The following SFMBT1 variants were observed in gnomAD, a reference collection of about 807,000 sequenced individuals.
SFMBT1 encodes scm-like with four MBT domains protein 1.
A neutral mutation model predicts 108.7 loss-of-function variants in SFMBT1; 32 were observed. The observed-to-expected ratio is 0.29, with a 90% CI of 0.22 to 0.40. The LOEUF (loss-of-function observed/expected upper bound fraction) is 0.40. SFMBT1 is among the 10% of genes least tolerant of loss of function. The pLI, the probability that SFMBT1 is intolerant of heterozygous loss-of-function variation, is 1.00. For synonymous variants in SFMBT1, 348 were observed against 369.5 expected (o/e 0.94, Z 0.67); for missense variants, 816 against 1,059.6 (o/e 0.77, Z 3.19).
chr3:53,008,950 C>T (rs1385160369), intron 1 of SFMBT1, among the ~76,000 whole-genome samples: 1 of 150,566 alleles, frequency 6.6e-6, no homozygotes, highest in African/African-American at 2.4e-5. Context: ...ATTTTGTTTA[C>T]CCTTCTGGGT....
intron 4 of SFMBT1, among the ~76,000 whole-genome samples, chr3:52,937,244 TAAGA>T (rs1381102761): frequency 1.3e-5 from 2 of 152,154 alleles, no homozygotes; most frequent in Non-Finnish European, 2.9e-5. Flanking sequence ...AAAAATAGGT[TAAGA>T]TTTTTTCTTT....
chr3:52,969,121 C>G lies in SFMBT1; in HGVS notation c.8G>C (p.Gly3Ala). 1 of 1,614,030 alleles carries G rather than the reference C, an allele frequency of 6.2e-7. No individual in the cohort carries two copies. Among genetic ancestry groups the G allele is most frequent in the South Asian group, 1.1e-5 (1 of 91,066 alleles). Residue 3 changes from glycine to alanine, a missense_variant, in exon 2 of 21, where the codon GGG becomes GCG. This residue lies in a region of SFMBT1 where 495 missense variants were observed against 607.4 expected (regional missense o/e 0.81). Coordinates refer to ENST00000394752, the MANE Select transcript of SFMBT1 (RefSeq NM_016329.4). The stretch of plus-strand genomic sequence containing the variant: ...AATACCTGCATCAAGCTGCTGCTCC[C>G]CGTTCATTTCCACAGCATATAGGCA... MN[G>A]EQQLDADAGS... is the part of the protein sequence containing the mutation.
intron 1 of SFMBT1, among the ~76,000 whole-genome samples, chr3:52,993,216 C>A (rs1705199858): frequency 7.5e-6 from 1 of 133,926 alleles, no homozygotes; most frequent in Non-Finnish European, 1.8e-5. Flanking sequence ...CTATAAAAAA[C>A]ATGTAGTTTT....
chr3:53,029,218 C>A (rs543870568), intron 1 of SFMBT1, among the ~76,000 whole-genome samples: 1 of 149,898 alleles, frequency 6.7e-6, no homozygotes, highest in East Asian at 1.9e-4. Flanking sequence ...AATGTACTAC[C>A]ATGGGGGAGA....
At chr3:52,966,780 T>C (rs777294907) in intron 2 of SFMBT1, among the ~76,000 whole-genome samples, 22 of 151,716 alleles carry the variant, frequency 1.5e-4, no homozygotes, top group Non-Finnish European at 2.9e-4. Context: ...TCTCAAGTGT[T>C]CTAAATTATA....
chr3:53,025,727 T>C (rs145757435), intron 1 of SFMBT1, among the ~76,000 whole-genome samples: 2 of 152,352 alleles, frequency 1.3e-5, no homozygotes, highest in Non-Finnish European at 2.9e-5. Context: ...ATCTTTGCCT[T>C]GGTAACTCTA....
chr3:53,011,735 T>C (rs1412884250), intron 1 of SFMBT1, among the ~76,000 whole-genome samples: 1 of 152,198 alleles, frequency 6.6e-6, no homozygotes, highest in East Asian at 1.9e-4. Flanking sequence ...GGATAGTAGT[T>C]AAGAAGAACT....
At chr3:52,907,040 G>A in intron 19 of SFMBT1, 29 bp downstream of exon 19, 2 of 1,580,510 alleles carry the variant, frequency 1.3e-6, no homozygotes, top group Non-Finnish European at 1.7e-6. Context: ...GAGAAAGAAA[G>A]AAAAAAGAAA....
intron 8 of SFMBT1, among the ~76,000 whole-genome samples, chr3:52,928,661 T>C (rs1207827645): frequency 6.2e-5 from 2 of 32,264 alleles, no homozygotes; most frequent in Non-Finnish European, 1.1e-4. Flanking sequence ...TATACACATA[T>C]ATACATATAT....
At chr3:52,920,269 T>C (rs1702480344) in intron 12 of SFMBT1, among the ~76,000 whole-genome samples, 2 of 152,212 alleles carry the variant, frequency 1.3e-5, no homozygotes, top group Admixed American at 6.5e-5. Flanking sequence ...ACGTTGAGCC[T>C]TGAGATGACT....
intron 3 of SFMBT1, among the ~76,000 whole-genome samples, chr3:52,951,495 C>A (rs558142985): frequency 1.6e-4 from 24 of 151,554 alleles, no homozygotes; most frequent in African/African-American, 5.6e-4. Flanking sequence ...TGGCTCACTG[C>A]AACCTCCGCC....
chr3:52,939,379 G>A lies in SFMBT1; in HGVS notation c.364+3974C>T, dbSNP rs187309644. On this transcript the variant is annotated intron_variant, in intron 4 of 20. Coordinates refer to ENST00000394752, the MANE Select transcript of SFMBT1 (RefSeq NM_016329.4). ...ACTAGAGGTCAGGAATTTGAGACCAGCCTGGCCAACATGGTGAAACCCCCT... is the reference window on the plus strand; with the variant it reads ...ACTAGAGGTCAGGAATTTGAGACCAACCTGGCCAACATGGTGAAACCCCCT... Among the ~76,000 whole-genome samples the A allele has an allele frequency of 2.6e-5, 4 of 152,230 alleles. No homozygotes were observed. The East Asian group carries it at 5.8e-4, about 22-fold the overall frequency.
chr3:53,033,252 C>T (rs971251123), intron 1 of SFMBT1, among the ~76,000 whole-genome samples: 3 of 152,020 alleles, frequency 2.0e-5, no homozygotes, highest in African/African-American at 7.3e-5. Context: ...TCTCCGCCTC[C>T]CAGGTTCCGG....
At chr3:52,987,869 G>T (rs1010503811) in intron 1 of SFMBT1, among the ~76,000 whole-genome samples, 1 of 152,130 alleles carries the variant, frequency 6.6e-6, no homozygotes, top group Admixed American at 6.5e-5. Flanking sequence ...AAAGGATACA[G>T]TACACATTTT....
intron 1 of SFMBT1, among the ~76,000 whole-genome samples, chr3:53,015,576 C>A (rs1326735091): frequency 6.6e-6 from 1 of 152,090 alleles, no homozygotes; most frequent in East Asian, 1.9e-4. Context: ...TGTGACATAG[C>A]CATATAGTAG....
rs1553636664 is a variant in SFMBT1 at position 52,945,136 on chromosome 3, T to TGAAAAAAAAAAAAAAAA, written c.124-1544_124-1543insTTTTTTTTTTTTTTTTC. On this transcript the variant is annotated intron_variant, in intron 3 of 20. Coordinates refer to ENST00000394752, the MANE Select transcript of SFMBT1 (RefSeq NM_016329.4). ...TGATTTCCAAATACCACCTTCCAAT[T>TGAAAAAAAAAAAAAAAA]AAAAAAAAAAAAAAACAAGGACTTC... 8.2e-5 allele frequency among the ~76,000 whole-genome samples: 4 copies of TGAAAAAAAAAAAAAAAA among 48,540 alleles called. No individual in the cohort carries two copies. The South Asian group carries it at 5.2e-3, about 63-fold the overall frequency. The allele number at this position is 48,540 out of a possible 152,430, so 31.8% of individuals were successfully genotyped here. A position where few individuals can be genotyped will look rare whatever the true frequency, so the allele number is the denominator to read the frequency against.
chr3:53,026,245 T>C (rs1209952341), intron 1 of SFMBT1, among the ~76,000 whole-genome samples: 1 of 152,146 alleles, frequency 6.6e-6, no homozygotes, highest in Non-Finnish European at 1.5e-5. Flanking sequence ...AGGCACTTCA[T>C]CTCTTCAAAA....
intron 1 of SFMBT1, among the ~76,000 whole-genome samples, chr3:53,014,019 G>A (rs974300033): frequency 1.3e-5 from 2 of 152,124 alleles, no homozygotes; most frequent in Non-Finnish European, 2.9e-5. Context: ...CATGTGATAT[G>A]ATACCTCTTC....
chr3:52,985,667 G>A (rs1490490763), intron 1 of SFMBT1, among the ~76,000 whole-genome samples: 1 of 152,012 alleles, frequency 6.6e-6, no homozygotes, highest in Admixed American at 6.6e-5. Context: ...GTCATTATTC[G>A]AACATCATAG....
Sources: gnomAD v4.1 joint callset for allele counts (sites outside exome capture counted in the v4.1 genomes callset) on GRCh38, gnomAD v4.1.1 for gene constraint, gnomAD v4.1.1 regional missense constraint, MANE v1.5 for transcripts, NCBI Gene and HGNC (gene_info 2026-07-23, HGNC 2026-07-21) for gene names.